The following CDKL3 variants were observed in gnomAD, a reference collection of about 807,000 sequenced individuals.
The protein encoded by CDKL3 is cyclin-dependent kinase-like 3.
Under a neutral mutation model 69.3 loss-of-function variants are expected in CDKL3, and 65 were observed. The observed-to-expected ratio is 0.94, with a 90% CI of 0.77 to 1.15. The LOEUF is 1.15. Among genes scored for constraint, CDKL3 ranks in the 50% most tolerant of loss-of-function variants. The probability of loss-of-function intolerance (pLI) is 0.00; values close to 1 mark genes in which losing one functional copy is unlikely to be tolerated. For missense variants in CDKL3, 652 were observed against 689.2 expected, an observed-to-expected ratio of 0.95 and a Z score of 0.61; for synonymous variants, 202 against 221.6, an observed-to-expected ratio of 0.91 and a Z score of 0.79.
chr5:134,318,371 C>T (rs1036250336), intron 6 of CDKL3, among the ~76,000 whole-genome samples: 1 of 152,116 alleles, frequency 6.6e-6, no homozygotes, highest in Non-Finnish European at 1.5e-5. Flanking sequence ...AAAACTACAG[C>T]TGCTCAGGTC....
chr5:134,347,868 G>A (rs1235847275), intron 4 of CDKL3, among the ~76,000 whole-genome samples: 1 of 152,166 alleles, frequency 6.6e-6, no homozygotes, highest in Non-Finnish European at 1.5e-5. Flanking sequence ...AGGCCTGGAA[G>A]GGTTGGGAGG....
At chr5:134,340,983 TG>T (rs997609115) in intron 4 of CDKL3, among the ~76,000 whole-genome samples, 1 of 152,204 alleles carries the variant, frequency 6.6e-6, no homozygotes, top group Admixed American at 6.5e-5. Context: ...AAAGGAATTA[TG>T]CACTGTGACC....
intron 4 of CDKL3, among the ~76,000 whole-genome samples, chr5:134,327,030 C>T (rs1774572367): frequency 6.6e-6 from 1 of 151,790 alleles, no homozygotes; most frequent in African/African-American, 2.4e-5. Flanking sequence ...GCAAAGACTC[C>T]ACTCTAGGGC....
At chr5:134,353,708 C>T (rs934453739) in intron 3 of CDKL3, among the ~76,000 whole-genome samples, 21 of 151,966 alleles carry the variant, frequency 1.4e-4, no homozygotes, top group African/African-American at 3.9e-4. Context: ...TACGGGCATG[C>T]GCCACCATGC....
At chr5:134,287,484 A>G (rs1225893758) in intron 8 of CDKL3, among the ~76,000 whole-genome samples, 1 of 152,198 alleles carries the variant, frequency 6.6e-6, no homozygotes, top group Non-Finnish European at 1.5e-5. Flanking sequence ...CCTTTCACTT[A>G]TGACAACTTC....
At chr5:134,297,702 C>T (rs1003863900), downstream of CDKL3, among the ~76,000 whole-genome samples, 2 of 151,604 alleles carry the variant, frequency 1.3e-5, no homozygotes, top group African/African-American at 4.8e-5. Flanking sequence ...GTGCTTCAGC[C>T]TCCCGAGTAG....
chr5:134,296,815 A>ACG (rs1491236321), downstream of CDKL3, among the ~76,000 whole-genome samples: 2 of 150,274 alleles, frequency 1.3e-5, no homozygotes, highest in Non-Finnish European at 3.0e-5. Context: ...ACACACACAC[A>ACG]CGCACGCACA....
At chr5:134,289,998 T>C (rs550494670) in intron 8 of CDKL3, among the ~76,000 whole-genome samples, 2 of 152,286 alleles carry the variant, frequency 1.3e-5, no homozygotes, top group South Asian at 4.1e-4. Flanking sequence ...CAAATGTTAA[T>C]GTGTGCCAAT....
At chr5:134,304,121 G>T (rs1328065724) in intron 11 of CDKL3, among the ~76,000 whole-genome samples, 1 of 151,820 alleles carries the variant, frequency 6.6e-6, no homozygotes, top group Non-Finnish European at 1.5e-5. Context: ...TAGAGACAGG[G>T]TTTTGCTATG....
At position 134,322,034 on chromosome 5, in the gene CDKL3, T is replaced by C. The variant is rs1772929615; in HGVS notation, c.540-131A>G. ...TCATTTTAAGTTTTGTTTTGTTTTTTTTCGAGACCGAGTCTTGCTCTGTCA... is the reference window on the plus strand; with the variant it reads ...TCATTTTAAGTTTTGTTTTGTTTTTCTTCGAGACCGAGTCTTGCTCTGTCA... On this transcript the variant is annotated intron_variant, in intron 4 of 12. Coordinates refer to ENST00000265334, the MANE Select transcript of CDKL3 (RefSeq NM_001113575.2). 3 of 631,984 alleles carry C rather than the reference T, an allele frequency of 4.7e-6. No individual in the cohort carries two copies. The African/African-American group carries it at 5.7e-5, about 12-fold the overall frequency. 39.1% of individuals were successfully genotyped at this position (631,984 alleles called of 1,614,324 possible). A position where few individuals can be genotyped will look rare whatever the true frequency, so the allele number is the denominator to read the frequency against.
At chr5:134,363,457 C>CT (rs869177235) in intron 2 of CDKL3, among the ~76,000 whole-genome samples, 1,787 of 105,424 alleles carry the variant, frequency 0.017, 27 homozygotes, top group African/African-American at 0.026. Context: ...CCATGGCCGG[C>CT]TTTTTTTTTT....
At chr5:134,304,989 G>A (rs965361401) in intron 10 of CDKL3, among the ~76,000 whole-genome samples, 3 of 151,398 alleles carry the variant, frequency 2.0e-5, no homozygotes, top group Non-Finnish European at 4.4e-5. Flanking sequence ...TAAATTTTTC[G>A]TAGAGATGGG....
intron 3 of CDKL3, among the ~76,000 whole-genome samples, chr5:134,351,349 G>A (rs892594101): frequency 3.3e-5 from 5 of 152,020 alleles, no homozygotes; most frequent in African/African-American, 1.2e-4. Flanking sequence ...TTGGTTATAG[G>A]GACAACACTC....
downstream of CDKL3, chr5:134,298,305 G>C: frequency 9.7e-7 from 1 of 1,027,144 alleles, no homozygotes; most frequent in Non-Finnish European, 1.2e-6. Flanking sequence ...TGTGTTATAG[G>C]AGATAACTGA....
At chr5:134,287,109 G>A (rs1164040361) in intron 8 of CDKL3, among the ~76,000 whole-genome samples, 1 of 152,086 alleles carries the variant, frequency 6.6e-6, no homozygotes, top group African/African-American at 2.4e-5. Context: ...GAACAGAAAA[G>A]CACTTAGAAT....
chr5:134,359,446 C>T (rs759259362), intron 3 of CDKL3, among the ~76,000 whole-genome samples: 12 of 152,104 alleles, frequency 7.9e-5, no homozygotes, highest in South Asian at 2.1e-4. Flanking sequence ...CAAACCGCTC[C>T]GCCACTTTAT....
chr5:134,366,863 C>G (rs1269318122), intron 1 of CDKL3, 114 bp downstream of exon 1: 1 of 993,728 alleles, frequency 1.0e-6, no homozygotes, highest in Non-Finnish European at 1.2e-6. Context: ...CTGTCATGTT[C>G]CTGTCAAATA....
intron 3 of CDKL3, among the ~76,000 whole-genome samples, chr5:134,356,779 A>G (rs1442872784): frequency 6.6e-6 from 1 of 152,096 alleles, no homozygotes; most frequent in Non-Finnish European, 1.5e-5. Context: ...GTGAAACTCC[A>G]TCTCAAAAAT....
At chr5:134,364,798 C>T (rs1432673906) in intron 2 of CDKL3, among the ~76,000 whole-genome samples, 3 of 150,468 alleles carry the variant, frequency 2.0e-5, no homozygotes, top group African/African-American at 7.4e-5. Flanking sequence ...CAGGCGTGAG[C>T]CACAGCGCCC....
Sources: allele counts gnomAD v4.1 joint callset (sites outside exome capture counted in the v4.1 genomes callset), GRCh38; gene constraint gnomAD v4.1.1; transcripts MANE v1.5; gene names NCBI Gene and HGNC (gene_info 2026-07-23, HGNC 2026-07-21).